The following BEND4 variants were observed in gnomAD, a reference collection of about 807,000 sequenced individuals.
The protein encoded by BEND4 is BEN domain containing 4, also known as BEN domain-containing protein 4.
BEND4 carries 27 observed loss-of-function variants against 54.7 expected under a neutral mutation model. The ratio of observed to expected loss-of-function variants is 0.49; its 90% CI spans 0.36 to 0.68. The LOEUF is 0.68. Ranked by LOEUF, BEND4 falls within the 30% of genes least tolerant of loss-of-function variation. The pLI, the probability that BEND4 is intolerant of heterozygous loss-of-function variation, is 0.00. For synonymous variants in BEND4, 327 were observed against 299.5 expected, an observed-to-expected ratio of 1.09 and a Z score of -0.95; for missense variants, 702 against 697.2, an observed-to-expected ratio of 1.01 and a Z score of -0.08.
In BEND4 at chr4:42,141,422, G is replaced by A. The variant is rs546435155; in HGVS notation, c.1054+2006C>T. 2.6e-5 allele frequency among the ~76,000 whole-genome samples: 4 copies of A among 152,310 alleles called. 1 individual carries two copies. The highest frequency in any genetic ancestry group is 9.6e-5 in the African/African-American group (4 of 41,562). ...CCAAATTGAGTGATACAAAGATACT[G>A]TACTAGGCAAAGAATATAGCTTATA... On this transcript the variant is annotated intron_variant, in intron 3 of 5. Coordinates refer to ENST00000502486, the MANE Select transcript of BEND4 (RefSeq NM_207406.4).
Position 42,112,910 on chromosome 4 carries a change from G to A in BEND4, c.*4608C>T, listed in dbSNP as rs1719631782. On this transcript the variant is annotated 3_prime_UTR_variant, in exon 6 of 6. Coordinates refer to ENST00000502486, the MANE Select transcript of BEND4 (RefSeq NM_207406.4). ...TGGCTGACAGTGTAACTTTGCAGAG[G>A]ACTACCCATCTGCTGGGTGACGTTT... The A allele has an allele frequency of 1.3e-5, 2 of 152,106 alleles. No individual in the cohort carries two copies. Among genetic ancestry groups the A allele is most frequent in the Admixed American group, 1.3e-4 (2 of 15,270 alleles). The allele number at this position is 152,106 out of a possible 1,614,324, so 9.4% of individuals were successfully genotyped here.
chr4:42,111,651 C>T lies in BEND4; in HGVS notation c.*5867G>A, dbSNP rs913004368. The T allele has an allele frequency of 1.3e-5, 2 of 152,238 alleles. No homozygotes were observed. Among genetic ancestry groups the T allele is most frequent in the African/African-American group, 4.8e-5 (2 of 41,456 alleles). The allele number at this position is 152,238 out of a possible 1,614,324, so 9.4% of individuals were successfully genotyped here. On this transcript the variant is annotated 3_prime_UTR_variant, in exon 6 of 6. Coordinates refer to ENST00000502486, the MANE Select transcript of BEND4 (RefSeq NM_207406.4). Reference sequence around the variant, plus strand: ...GTATTTTCTTACAAAATTTTCACAACAGTTCTCACAGTGACATCATAAATT... The same window carrying T: ...GTATTTTCTTACAAAATTTTCACAATAGTTCTCACAGTGACATCATAAATT...
In BEND4 at chr4:42,114,457, TG is replaced by T. The variant is rs1719716577; in HGVS notation, c.*3060del. ...TGACCTCCTCCTCTCACCAATTAAG[TG>T]GGGGCACAGCTGCATCCTGAGCTGT... On this transcript the variant is annotated 3_prime_UTR_variant, in exon 6 of 6. Coordinates refer to ENST00000502486, the MANE Select transcript of BEND4 (RefSeq NM_207406.4). 1 of 152,078 alleles carries T rather than the reference TG, an allele frequency of 6.6e-6. No homozygotes were observed. Among genetic ancestry groups the T allele is most frequent in the South Asian group, 2.1e-4 (1 of 4,818 alleles). 9.4% of individuals were successfully genotyped at this position (152,078 alleles called of 1,614,324 possible).
In BEND4 at chr4:42,151,666, G is replaced by A. The variant is rs1203742248; in HGVS notation, c.478C>T (p.Leu160Phe). ...GTGSDSASLE[L>F]SAESRMILDA... is the part of the protein sequence containing the mutation. ...TGCGGAGAGTTGGTACCTGCGCTGA[G>A]CTCCAGGCTGGCGCTGTCGCTACCC... The change falls in exon 2 of 6, where the codon CTC (leucine) becomes TTC (phenylalanine). Residue 160 changes from leucine (L) to phenylalanine (F), a missense_variant. By Grantham distance (22) the Leu-to-Phe change is conservative (BLOSUM62 0). Transcript: ENST00000502486. 4 of 1,492,196 alleles carry A rather than the reference G, an allele frequency of 2.7e-6. No homozygotes were observed. Among genetic ancestry groups the A allele is most frequent in the South Asian group, 2.5e-5 (2 of 78,528 alleles). 92.4% of individuals were successfully genotyped at this position (1,492,196 alleles called of 1,614,324 possible). A position where few individuals can be genotyped will look rare whatever the true frequency, so the allele number is the denominator to read the frequency against.
intron 2 of BEND4, among the ~76,000 whole-genome samples, chr4:42,145,083 T>C (rs1190395540): frequency 6.6e-6 from 1 of 152,238 alleles, no homozygotes; most frequent in Non-Finnish European, 1.5e-5. Context: ...TTGTTTAAGA[T>C]AAAAATGCAA....
At chr4:42,141,936 CCTCT>C (rs1325972341) in intron 3 of BEND4, among the ~76,000 whole-genome samples, 1 of 151,632 alleles carries the variant, frequency 6.6e-6, no homozygotes, top group East Asian at 2.0e-4. Flanking sequence ...ACCCAGTCTC[CCTCT>C]GTCACCCAGG....
chr4:42,122,446 C>T (rs1720101061), intron 4 of BEND4, among the ~76,000 whole-genome samples: 1 of 152,214 alleles, frequency 6.6e-6, no homozygotes, highest in Non-Finnish European at 1.5e-5. Context: ...GTGCAATAAA[C>T]ATTTGCTGAA....
intron 3 of BEND4, among the ~76,000 whole-genome samples, chr4:42,134,274 A>G (rs77507264): frequency 8.5e-5 from 13 of 152,330 alleles, no homozygotes; most frequent in African/African-American, 3.1e-4. Flanking sequence ...AAACATCTCA[A>G]AATACTCCAC....
At chr4:42,123,694 G>GAAAAAAAAAAACAAAAAAAAA (rs1553921966) in intron 4 of BEND4, among the ~76,000 whole-genome samples, 2 of 50,806 alleles carry the variant, frequency 3.9e-5, no homozygotes, top group Non-Finnish European at 7.8e-5. Flanking sequence ...CTGTAATTCA[G>GAAAAAAAAAAACAAAAAAAAA]AAAAAAAAAA....
intron 3 of BEND4, among the ~76,000 whole-genome samples, chr4:42,134,280 T>C (rs1366784850): frequency 6.6e-6 from 1 of 152,234 alleles, no homozygotes; most frequent in Non-Finnish European, 1.5e-5. Flanking sequence ...CTCAAAATAC[T>C]CCACATACAC....
chr4:42,122,275 C>T (rs946931207), intron 4 of BEND4, among the ~76,000 whole-genome samples: 3 of 152,258 alleles, frequency 2.0e-5, no homozygotes, highest in Middle Eastern at 3.4e-3. Context: ...CTAAACTTTG[C>T]TCCTTTGTGT....
rs1441571994 is a variant in BEND4, at chr4:42,120,145, G to A, written c.1296C>T (p.Cys432=). The change falls in exon 5 of 6, where the codon TGC becomes TGT. Residue 432 remains cysteine (C), a synonymous_variant. Transcript: ENST00000502486. ...VFTTDELKYS[C]GLGKRKRSVQ... Reference sequence around the variant, plus strand: ...CTGACCTTTTCCTTTTCCCAAGGCCGCATGAGTACTTAAGCTCATCGGTTG... The same window carrying A: ...CTGACCTTTTCCTTTTCCCAAGGCCACATGAGTACTTAAGCTCATCGGTTG... 2.5e-6 allele frequency: 4 copies of A among 1,613,896 alleles called. No individual in the cohort carries two copies. The highest frequency in any genetic ancestry group is 2.5e-6 in the Non-Finnish European group (3 of 1,179,834).
chr4:42,122,515 G>C (rs1720103740), intron 4 of BEND4, among the ~76,000 whole-genome samples: 1 of 152,226 alleles, frequency 6.6e-6, no homozygotes, highest in East Asian at 1.9e-4. Context: ...ACCCAGTAAT[G>C]GTGGCTACAA....
At chr4:42,139,865 A>G (rs1013742066) in intron 3 of BEND4, among the ~76,000 whole-genome samples, 1 of 152,190 alleles carries the variant, frequency 6.6e-6, no homozygotes, top group Non-Finnish European at 1.5e-5. Context: ...TCCTGTTGAG[A>G]CCACTGCTTA....
At chr4:42,143,335 A>AT in intron 3 of BEND4, 93 bp downstream of exon 3, 4 of 1,146,220 alleles carry the variant, frequency 3.5e-6, no homozygotes, top group Non-Finnish European at 5.1e-6. Context: ...ACATATACAC[A>AT]TACACATACA....
intron 3 of BEND4, among the ~76,000 whole-genome samples, chr4:42,131,128 G>A (rs952619923): frequency 3.9e-5 from 6 of 152,282 alleles, no homozygotes; most frequent in South Asian, 2.1e-4. Flanking sequence ...AGCTTATTGC[G>A]TAGGTGATGG....
intron 4 of BEND4, 52 bp downstream of exon 4, chr4:42,125,531 G>A (rs1469829988): frequency 2.9e-6 from 4 of 1,375,424 alleles, no homozygotes; most frequent in Non-Finnish European, 4.1e-6. Context: ...AGTTAATCAA[G>A]ATACTTAAGA....
At chr4:42,124,334 G>C (rs1482862285) in intron 4 of BEND4, among the ~76,000 whole-genome samples, 1 of 152,170 alleles carries the variant, frequency 6.6e-6, no homozygotes, top group African/African-American at 2.4e-5. Flanking sequence ...GCTTGGGCAA[G>C]AAAGCGAGAC....
In BEND4 at chr4:42,115,821, TAGA is replaced by T. The variant is rs1211186837; in HGVS notation, c.*1694_*1696del. 6.6e-6 allele frequency: 1 copy of T among 151,222 alleles called. No individual in the cohort carries two copies. Among genetic ancestry groups the T allele is most frequent in the Non-Finnish European group, 1.5e-5 (1 of 67,996 alleles). The allele number at this position is 151,222 out of a possible 1,614,324, so 9.4% of individuals were successfully genotyped here. ...CAAATTTTAGCTAATTTGCCCCAAA[TAGA>T]ATTGAATATTGGTTCTCCCTATTCC... On this transcript the variant is annotated 3_prime_UTR_variant, in exon 6 of 6. Coordinates refer to ENST00000502486, the MANE Select transcript of BEND4 (RefSeq NM_207406.4).
Sources: allele counts gnomAD v4.1 joint callset (sites outside exome capture counted in the v4.1 genomes callset), GRCh38; gene constraint gnomAD v4.1.1; transcripts MANE v1.5; gene names NCBI Gene and HGNC (gene_info 2026-07-23, HGNC 2026-07-21).